The following KIF6 variants were observed in gnomAD, a reference collection of about 807,000 sequenced individuals.
KIF6 encodes the protein kinesin family member 6.
KIF6 carries 106 observed loss-of-function variants against 112.7 expected under a neutral mutation model. The observed-to-expected ratio is 0.94, with a 90% confidence interval of 0.80 to 1.11. The LOEUF is 1.11. Among genes scored for constraint, KIF6 ranks in the 50% least tolerant of loss-of-function variants. The pLI is 0.00. For missense variants in KIF6, 929 were observed against 964.0 expected (o/e 0.96, Z 0.48); for synonymous variants, 339 against 339.9 (o/e 1.00, Z 0.03).
At position 39,467,767 on chromosome 6, in the gene KIF6, G is replaced by A. The variant is rs80025496; in HGVS notation, c.1646-36606C>T. Among the ~76,000 whole-genome samples, 1,124 of 152,174 alleles carry A rather than the reference G, an allele frequency of 7.4e-3. 15 individuals are homozygous for A. The highest frequency in any genetic ancestry group is 0.026 in the African/African-American group (1,064 of 41,500). The stretch of plus-strand genomic sequence containing the variant: ...GAATTATGATAAATGCAAAGAAAGC[G>A]CTACCCATACACAAGAATAAAGCAG... On this transcript the variant is annotated intron_variant, in intron 13 of 22. Transcript: ENST00000287152.
chr6:39,342,944 G>A lies in KIF6; in HGVS notation c.2428+765C>T. 7.1e-6 allele frequency: 7 copies of A among 985,464 alleles called. No individual in the cohort carries two copies. Among genetic ancestry groups the A allele is most frequent in the Non-Finnish European group, 8.4e-6 (7 of 829,942 alleles). 61.0% of individuals were successfully genotyped at this position (985,464 alleles called of 1,614,324 possible). ...TCTGCCAGCCCATACCATCACGGTG[G>A]GGGCGCCTTTCTGGCAATGTGAAGG... On this transcript the variant is annotated intron_variant, in intron 22 of 22. Transcript: ENST00000287152. The surrounding 1 kb of genome is among the most constrained non-coding windows in gnomAD (Gnocchi z 4.7).
At chr6:39,538,607 A>G (rs1360771830) in intron 13 of KIF6, among the ~76,000 whole-genome samples, 1 of 150,758 alleles carries the variant, frequency 6.6e-6, no homozygotes, top group Non-Finnish European at 1.5e-5. Context: ...GAACACTTTT[A>G]CACTGTTGGT....
intron 16 of KIF6, among the ~76,000 whole-genome samples, chr6:39,379,605 G>A (rs1177375327): frequency 5.9e-5 from 9 of 152,218 alleles, no homozygotes; most frequent in African/African-American, 1.9e-4. Flanking sequence ...TCACAGAGGA[G>A]GTCAATGTTG....
In KIF6 at chr6:39,709,128, A is replaced by G. The variant is rs73426532; in HGVS notation, c.251+5564T>C. Among the ~76,000 whole-genome samples, 414 of 152,298 alleles carry G rather than the reference A, an allele frequency of 2.7e-3. 1 individual carries two copies. The highest frequency in any genetic ancestry group is 9.6e-3 in the African/African-American group (401 of 41,560). On this transcript the variant is annotated intron_variant, in intron 3 of 22. Coordinates refer to ENST00000287152, the MANE Select transcript of KIF6 (RefSeq NM_145027.6). ...AGCACTTCCTAGTGGAAATGTACTA[A>G]ATAATAAATAACCACAAAGATTATT...
At chr6:39,364,007 T>C (rs1765371198) in intron 16 of KIF6, among the ~76,000 whole-genome samples, 1 of 152,202 alleles carries the variant, frequency 6.6e-6, no homozygotes, top group South Asian at 2.1e-4. Flanking sequence ...ACTTTGGCTC[T>C]TTGGAGCAGT....
chr6:39,703,087 C>CGA lies in KIF6; in HGVS notation c.251+11604_251+11605insTC, dbSNP rs1554151206. Among the ~76,000 whole-genome samples, 14 of 76,590 alleles carry CGA rather than the reference C, an allele frequency of 1.8e-4. No homozygotes were observed. In the Admixed American group the frequency reaches 2.3e-3, roughly 12 times the overall value. The allele number at this position is 76,590 out of a possible 152,430, so 50.2% of individuals were successfully genotyped here. On this transcript the variant is annotated intron_variant, in intron 3 of 22. Transcript: ENST00000287152. ...ACAAAATCCACCAACCCCCCACCCCCACTCCCGGCCACCAAGACAAAACAA... is the reference window on the plus strand; with the variant it reads ...ACAAAATCCACCAACCCCCCACCCCCGAACTCCCGGCCACCAAGACAAAACAA...
At chr6:39,544,807 T>TGATGCAGGTGCGATGTCTTTGC (rs1466239448) in intron 11 of KIF6, 114 bp from the exon 12 acceptor site, 3 of 538,972 alleles carry the variant, frequency 5.6e-6, no homozygotes, top group African/African-American at 3.9e-5. Context: ...GTGACCTGTC[T>TGATGCAGGTGCGATGTCTTTGC]GATGCAGGTG....
intron 12 of KIF6, 59 bp from the exon 13 acceptor site, chr6:39,540,280 A>G (rs574513602): frequency 2.8e-6 from 3 of 1,061,322 alleles, no homozygotes; most frequent in African/African-American, 3.2e-5. Context: ...CAAAACACAA[A>G]TGTCCTAAGT....
chr6:39,710,545 G>C (rs1441170527), intron 3 of KIF6, among the ~76,000 whole-genome samples: 1 of 149,424 alleles, frequency 6.7e-6, no homozygotes, highest in African/African-American at 2.4e-5. Flanking sequence ...TCACAAGCAA[G>C]AATAGACTTT....
chr6:39,380,441 T>C (rs1463160514), intron 16 of KIF6, among the ~76,000 whole-genome samples: 1 of 152,238 alleles, frequency 6.6e-6, no homozygotes, highest in Non-Finnish European at 1.5e-5. Flanking sequence ...TCCTGATGTA[T>C]CTTGGGTGAG....
At chr6:39,603,524 A>G (rs900390688) in intron 6 of KIF6, among the ~76,000 whole-genome samples, 3 of 151,108 alleles carry the variant, frequency 2.0e-5, no homozygotes, top group African/African-American at 7.4e-5. Context: ...ATAAATGGTG[A>G]TGCATTTTTT....
At chr6:39,483,881 C>A (rs1282725155) in intron 13 of KIF6, among the ~76,000 whole-genome samples, 2 of 152,180 alleles carry the variant, frequency 1.3e-5, no homozygotes, top group African/African-American at 4.8e-5. Context: ...CTGTTCTATT[C>A]ATTCCAAAAA....
chr6:39,416,323 GGGCTCAGT>G (rs1156883465), intron 15 of KIF6, among the ~76,000 whole-genome samples: 1 of 152,204 alleles, frequency 6.6e-6, no homozygotes, highest in Non-Finnish European at 1.5e-5. Flanking sequence ...TTCCCAGTTT[GGGCTCAGT>G]GGCGTTTTTG....
chr6:39,609,916 C>T (rs1357072344), intron 6 of KIF6, among the ~76,000 whole-genome samples: 1 of 152,186 alleles, frequency 6.6e-6, no homozygotes, highest in Non-Finnish European at 1.5e-5. Context: ...ATCCAAGAAA[C>T]TGCATCATTT....
At chr6:39,565,608 AG>A (rs1182809240) in intron 10 of KIF6, among the ~76,000 whole-genome samples, 4 of 152,200 alleles carry the variant, frequency 2.6e-5, no homozygotes, top group Non-Finnish European at 4.4e-5. Flanking sequence ...ATACACCCAA[AG>A]GTTAAGTTCT....
At chr6:39,561,331 T>G (rs1332936878) in intron 10 of KIF6, among the ~76,000 whole-genome samples, 3 of 150,650 alleles carry the variant, frequency 2.0e-5, no homozygotes, top group Non-Finnish European at 4.4e-5. Context: ...CTGAGAATGT[T>G]AAAAGGAGAA....
intron 13 of KIF6, among the ~76,000 whole-genome samples, chr6:39,476,749 G>A (rs574317709): frequency 5.6e-4 from 85 of 152,222 alleles, no homozygotes; most frequent in African/African-American, 2.0e-3. Flanking sequence ...GATGAATAAG[G>A]TATTTCATGT....
At chr6:39,535,660 A>T (rs1582075901) in intron 13 of KIF6, among the ~76,000 whole-genome samples, 2 of 152,360 alleles carry the variant, frequency 1.3e-5, no homozygotes, top group East Asian at 3.9e-4. Context: ...TCAACAAGAC[A>T]GAAAGTTAAC....
intron 3 of KIF6, among the ~76,000 whole-genome samples, chr6:39,706,707 C>T (rs1039531201): frequency 6.6e-6 from 1 of 152,042 alleles, no homozygotes; most frequent in Non-Finnish European, 1.5e-5. Context: ...CAACTGTGGC[C>T]AGAAGTTGAA....
Sources: allele counts gnomAD v4.1 joint callset (sites outside exome capture counted in the v4.1 genomes callset), GRCh38; gene constraint gnomAD v4.1.1; non-coding constraint Gnocchi (gnomAD v3.1); transcripts MANE v1.5; gene names NCBI Gene and HGNC (gene_info 2026-07-23, HGNC 2026-07-21).